PTGFR: variants seen among roughly 807,000 people sequenced by gnomAD.
PTGFR encodes the protein prostaglandin F receptor, also known as prostaglandin F2-alpha receptor.
In PTGFR, 15 loss-of-function variants were observed where a neutral mutation model predicts 26.2. The observed-to-expected ratio is 0.57, with a 90% CI of 0.38 to 0.88. The LOEUF is 0.88. PTGFR is among the 40% of genes least tolerant of loss of function. PTGFR has a pLI of 0.00. For synonymous variants in PTGFR, 165 were observed against 151.1 expected, an observed-to-expected ratio of 1.09 and a Z score of -0.68; for missense variants, 369 against 427.2, an observed-to-expected ratio of 0.86 and a Z score of 1.20.
intron 2 of PTGFR, chr1:78,532,187 C>A: frequency 2.5e-6 from 1 of 404,274 alleles, no homozygotes; most frequent in Non-Finnish European, 4.9e-6. Flanking sequence ...ACTTAGGAGT[C>A]TATAATATGA....
At chr1:78,516,769 G>T (rs982491568) in intron 2 of PTGFR, among the ~76,000 whole-genome samples, 11 of 151,874 alleles carry the variant, frequency 7.2e-5, no homozygotes, top group African/African-American at 2.7e-4. Context: ...CCTTTGAGAA[G>T]TCGTTTTTCT....
rs1649753545 is a variant in PTGFR at position 78,503,298 on chromosome 1, ACT to A, written c.798+9759_798+9760del. 3.3e-5 allele frequency among the ~76,000 whole-genome samples: 5 copies of A among 152,260 alleles called. No individual in the cohort carries two copies. In the South Asian group the frequency reaches 1.0e-3, roughly 32 times the overall value. ...ATACTATCTTTTGATAAGGAAACCG[ACT>A]CAGGATGTAGAAGAGAAATAAATTT... On this transcript the variant is annotated intron_variant, in intron 2 of 2. Transcript: ENST00000370757.
intron 2 of PTGFR, among the ~76,000 whole-genome samples, chr1:78,533,146 A>G (rs1303907755): frequency 1.3e-5 from 2 of 152,188 alleles, no homozygotes; most frequent in Admixed American, 1.3e-4. Flanking sequence ...AAAGCAGTTG[A>G]AGAACTATAA....
chr1:78,501,237 T>C (rs1649696941), intron 2 of PTGFR, among the ~76,000 whole-genome samples: 1 of 152,218 alleles, frequency 6.6e-6, no homozygotes, highest in Non-Finnish European at 1.5e-5. Flanking sequence ...CCAAAGCTCT[T>C]TGGGTTGCCA....
chr1:78,533,562 T>C (rs1330095215), intron 2 of PTGFR, among the ~76,000 whole-genome samples: 1 of 152,222 alleles, frequency 6.6e-6, no homozygotes, highest in Non-Finnish European at 1.5e-5. Flanking sequence ...ACTTGGGTCT[T>C]GGCGGTAGTG....
chr1:78,496,563 G>T (rs1007972293), intron 2 of PTGFR, among the ~76,000 whole-genome samples: 1 of 152,178 alleles, frequency 6.6e-6, no homozygotes, highest in East Asian at 1.9e-4. Context: ...TGGAACGAAG[G>T]TAGAGGTACA....
chr1:78,528,040 T>A (rs1157405433), intron 2 of PTGFR, among the ~76,000 whole-genome samples: 1 of 151,934 alleles, frequency 6.6e-6, no homozygotes, highest in African/African-American at 2.4e-5. Context: ...TAGATTGTTT[T>A]GTAGAGGAGA....
chr1:78,504,971 A>C (rs1250585137), intron 2 of PTGFR, among the ~76,000 whole-genome samples: 2 of 152,128 alleles, frequency 1.3e-5, no homozygotes, highest in Admixed American at 6.5e-5. Context: ...AGACTTGAGT[A>C]CAATTGATCA....
chr1:78,491,662 C>A (rs923734054), intron 1 of PTGFR, among the ~76,000 whole-genome samples: 2 of 152,154 alleles, frequency 1.3e-5, no homozygotes, highest in Non-Finnish European at 2.9e-5. Flanking sequence ...GAGGCCAGGC[C>A]GAAGGGCGGG....
intron 2 of PTGFR, chr1:78,497,787 C>T: frequency 1.1e-6 from 1 of 887,406 alleles, no homozygotes; most frequent in Non-Finnish European, 1.8e-6. Flanking sequence ...AATCTGTTCC[C>T]TAATCACCAA....
At chr1:78,511,889 GC>G (rs1224556612) in intron 2 of PTGFR, among the ~76,000 whole-genome samples, 4 of 152,104 alleles carry the variant, frequency 2.6e-5, no homozygotes, top group African/African-American at 9.7e-5. Flanking sequence ...TGAACACTTT[GC>G]CGCTTGCTTC....
At chr1:78,510,965 C>G (rs1282625001) in intron 2 of PTGFR, among the ~76,000 whole-genome samples, 1 of 152,158 alleles carries the variant, frequency 6.6e-6, no homozygotes, top group Non-Finnish European at 1.5e-5. Flanking sequence ...GTTCTTGACT[C>G]CATGTCCCAC....
intron 2 of PTGFR, among the ~76,000 whole-genome samples, chr1:78,504,491 A>C (rs1486117681): frequency 6.6e-6 from 1 of 152,172 alleles, no homozygotes; most frequent in Non-Finnish European, 1.5e-5. Context: ...AAAAATACTT[A>C]TAAAATAAAT....
At position 78,537,566 on chromosome 1, in the gene PTGFR, G is replaced by A. The variant is rs1398111898; in HGVS notation, c.*879G>A. 6.6e-6 allele frequency: 1 copy of A among 152,050 alleles called. No individual in the cohort carries two copies. Among genetic ancestry groups the A allele is most frequent in the Non-Finnish European group, 1.5e-5 (1 of 68,002 alleles). The allele number at this position is 152,050 out of a possible 1,614,324, so 9.4% of individuals were successfully genotyped here. On this transcript the variant is annotated 3_prime_UTR_variant, in exon 3 of 3. Coordinates refer to ENST00000370757, the MANE Select transcript of PTGFR (RefSeq NM_000959.4). ...TAGGTGCAAAGAATATTGGCAAAAG[G>A]TGCTTTACCTTGAGCCATTATTTGT...
chr1:78,513,104 G>T (rs2100373614), intron 2 of PTGFR, among the ~76,000 whole-genome samples: 1 of 152,290 alleles, frequency 6.6e-6, no homozygotes, highest in East Asian at 1.9e-4. Flanking sequence ...GACTAACACA[G>T]AAAATTTATA....
chr1:78,536,547 A>C lies in PTGFR; in HGVS notation c.940A>C (p.Asn314His), dbSNP rs150756091. 29 of 1,613,482 alleles carry C rather than the reference A, an allele frequency of 1.8e-5. No individual in the cohort carries two copies. The East Asian group carries it at 6.5e-4, about 36-fold the overall frequency. ...TCTTCTACGAAAGGCTGTCCTTAAG[A>C]ATCTCTATAAGCTTGCCAGTCAATG... ...YILLRKAVLKNLYKLASQCCG... is the reference protein window; with the variant it reads ...YILLRKAVLKHLYKLASQCCG... Residue 314 changes from asparagine (N) to histidine (H), a missense_variant, in exon 3 of 3, where the codon AAT becomes CAT. Asn to His is a moderately conservative substitution (Grantham distance 68). Coordinates refer to ENST00000370757, the MANE Select transcript of PTGFR (RefSeq NM_000959.4).
At chr1:78,501,021 A>T (rs1370003002) in intron 2 of PTGFR, among the ~76,000 whole-genome samples, 2 of 152,176 alleles carry the variant, frequency 1.3e-5, no homozygotes, top group African/African-American at 4.8e-5. Context: ...TTTAAGAAGA[A>T]AGACTTATAA....
Position 78,536,481 on chromosome 1 carries a change from A to T in PTGFR, c.874A>T (p.Met292Leu), listed in dbSNP as rs1650656713. 1 of 1,613,058 alleles carries T rather than the reference A, an allele frequency of 6.2e-7. No homozygotes were observed. The highest frequency in any genetic ancestry group is 8.5e-7 in the Non-Finnish European group (1 of 1,179,288). ...TCETTLFALR[M>L]ATWNQILDPW... ...TGAAACAACACTTTTTGCTCTCCGA[A>T]TGGCAACATGGAATCAAATCTTAGA... Residue 292 changes from methionine (M) to leucine (L), a missense_variant, in exon 3 of 3, where the codon ATG becomes TTG. By Grantham distance (15) the Met-to-Leu change is conservative. Transcript: ENST00000370757.
At chr1:78,505,322 C>G (rs1649803033) in intron 2 of PTGFR, among the ~76,000 whole-genome samples, 1 of 151,826 alleles carries the variant, frequency 6.6e-6, no homozygotes, top group Non-Finnish European at 1.5e-5. Context: ...GAGGTTTCAC[C>G]ACGTTGGCAA....
Sources: allele counts gnomAD v4.1 joint callset (sites outside exome capture counted in the v4.1 genomes callset), GRCh38; gene constraint gnomAD v4.1.1; transcripts MANE v1.5; gene names NCBI Gene and HGNC (gene_info 2026-07-23, HGNC 2026-07-21).